MCM5: variants seen among roughly 807,000 people sequenced by gnomAD.
MCM5 encodes the protein minichromosome maintenance complex component 5.
A neutral mutation model predicts 79.9 loss-of-function variants in MCM5; 46 were observed. The observed-to-expected ratio is 0.58, with a 90% CI of 0.45 to 0.74. MCM5 has a LOEUF of 0.74. Among genes scored for constraint, MCM5 ranks in the 30% least tolerant of loss-of-function variants. MCM5 has a pLI of 0.00. For missense variants in MCM5, 883 were observed against 1,017.0 expected, an observed-to-expected ratio of 0.87 and a Z score of 1.79; for synonymous variants, 404 against 390.5, an observed-to-expected ratio of 1.03 and a Z score of -0.41.
chr22:35,415,786 C>T, intron 9 of MCM5, 43 bp from the exon 10 acceptor site: 1 of 1,598,256 alleles, frequency 6.3e-7, no homozygotes, highest in Non-Finnish European at 8.5e-7. Flanking sequence ...GGGGTCAAAG[C>T]ATGGAGTTGT....
At chr22:35,442,082 C>T in the MCM5 span, among the ~76,000 whole-genome samples, 5 of 152,090 alleles carry the variant, frequency 3.3e-5, no homozygotes, top group Non-Finnish European at 5.9e-5. Flanking sequence ...CAGGAAACTC[C>T]CGTGGCTCCC....
chr22:35,443,379 G>A, the MCM5 span, among the ~76,000 whole-genome samples: 1 of 152,130 alleles, frequency 6.6e-6, no homozygotes, highest in African/African-American at 2.4e-5. Flanking sequence ...AGTAGAGACA[G>A]CATTTTGCCA....
intron 14 of MCM5, 123 bp downstream of exon 14, chr22:35,420,135 G>A (rs1932658295): frequency 8.6e-7 from 1 of 1,167,052 alleles, no homozygotes; most frequent in African/African-American, 1.6e-5. Context: ...GTAGCTCTGG[G>A]CAGGAAGAGT....
chr22:35,405,413 A>G (rs1265652954), intron 4 of MCM5, among the ~76,000 whole-genome samples: 1 of 148,164 alleles, frequency 6.7e-6, no homozygotes, highest in Non-Finnish European at 1.5e-5. Context: ...GTCGCCCAGG[A>G]TGGAGTGCAG....
the MCM5 span, among the ~76,000 whole-genome samples, chr22:35,439,077 A>G: frequency 6.6e-6 from 1 of 151,408 alleles, no homozygotes; most frequent in Non-Finnish European, 1.5e-5. Context: ...CCATCCATCC[A>G]TCCATCCATC....
chr22:35,416,304 G>T (rs1338435914), intron 10 of MCM5, 35 bp from the exon 11 acceptor site: 1 of 1,599,600 alleles, frequency 6.3e-7, no homozygotes, highest in Admixed American at 1.7e-5. Context: ...CCTCACTTCA[G>T]TAGGTCTGAT....
At position 35,423,223 on chromosome 22, in the gene MCM5, G is replaced by A; in HGVS notation, c.1985G>A (p.Gly662Asp). 6.3e-7 allele frequency: 1 copy of A among 1,586,286 alleles called. No individual in the cohort carries two copies. Among genetic ancestry groups the A allele is most frequent in the Non-Finnish European group, 8.6e-7 (1 of 1,162,202 alleles). ...TTCTCCATGCCCACAGGGGTGGAGG[G>A]CTTCACCAGCCAGGAGGACCAGGAG... ...ALSGTLSGVEGFTSQEDQEML... is the reference protein window; with the variant it reads ...ALSGTLSGVEDFTSQEDQEML... Residue 662 changes from glycine (G) to aspartate (D), a missense_variant, in exon 16 of 17, where the codon GGC (glycine) becomes GAC (aspartate). Gly to Asp is a moderately conservative substitution (Grantham distance 94). Around this residue, in one of 3 missense-constraint regions of MCM5, gnomAD observed 426 missense variants for 482.3 expected, o/e 0.88. Transcript: ENST00000216122.
rs377201302 is a variant in MCM5, at chr22:35,416,368, C to T, written c.1377C>T (p.His459=). The T allele has an allele frequency of 4.0e-5, 65 of 1,613,378 alleles. No homozygotes were observed. The highest frequency in any genetic ancestry group is 5.0e-5 in the Non-Finnish European group (59 of 1,180,032). The change falls in exon 11 of 17, where the codon CAC becomes CAT. Residue 459 remains histidine, a synonymous_variant. Transcript: ENST00000216122. Reference sequence around the variant, plus strand: ...GAGAAGATGACCGTGTGGCAATCCACGAAGCCATGGAGCAGCAGACCATCT... The same window carrying T: ...GAGAAGATGACCGTGTGGCAATCCATGAAGCCATGGAGCAGCAGACCATCT... The part of the protein sequence containing the change: ...KMREDDRVAI[H]EAMEQQTISI...
At chr22:35,415,721 C>G in intron 9 of MCM5, 108 bp from the exon 10 acceptor site, 1 of 1,273,510 alleles carries the variant, frequency 7.9e-7, no homozygotes, top group Non-Finnish European at 1.1e-6. Flanking sequence ...CTGCAGCCAG[C>G]TTTGATGTGT....
chr22:35,419,664 G>C (rs755823648), intron 13 of MCM5, among the ~76,000 whole-genome samples: 10 of 152,182 alleles, frequency 6.6e-5, no homozygotes, highest in Non-Finnish European at 1.5e-4. Context: ...TTTTAAGAGA[G>C]GCACCCATAT....
At chr22:35,434,880 G>A in the MCM5 span, among the ~76,000 whole-genome samples, 76 of 152,254 alleles carry the variant, frequency 5.0e-4, no homozygotes, top group African/African-American at 1.7e-3. Context: ...GGCAGGGCGC[G>A]GTGGCTCACG....
At chr22:35,434,045 G>C in the MCM5 span, among the ~76,000 whole-genome samples, 1 of 152,184 alleles carries the variant, frequency 6.6e-6, no homozygotes, top group African/African-American at 2.4e-5. Flanking sequence ...ACTGAGTTTC[G>C]TGGGGAGAGA....
the MCM5 span, among the ~76,000 whole-genome samples, chr22:35,431,322 G>A: frequency 6.6e-6 from 1 of 152,170 alleles, no homozygotes; most frequent in African/African-American, 2.4e-5. Context: ...GCACGGAGCC[G>A]GGGTCCAAAC....
the MCM5 span, among the ~76,000 whole-genome samples, chr22:35,446,266 C>T: frequency 9.9e-5 from 15 of 152,200 alleles, no homozygotes; most frequent in East Asian, 1.9e-4. Context: ...CAGGGTGTTG[C>T]GGGGAGAGGT....
the MCM5 span, among the ~76,000 whole-genome samples, chr22:35,446,729 TCTC>T: frequency 6.6e-6 from 1 of 152,104 alleles, no homozygotes; most frequent in Non-Finnish European, 1.5e-5. Flanking sequence ...CAGATTGGCT[TCTC>T]CTCTAGTCCT....
At chr22:35,411,944 C>G (rs752672617) in intron 7 of MCM5, among the ~76,000 whole-genome samples, 1 of 152,184 alleles carries the variant, frequency 6.6e-6, no homozygotes. Context: ...TTCACCCTTT[C>G]AGTTGCTCAG....
chr22:35,403,951 A>AAC (rs1932139175), intron 4 of MCM5, among the ~76,000 whole-genome samples: 1 of 151,338 alleles, frequency 6.6e-6, no homozygotes, highest in South Asian at 2.1e-4. Context: ...CAAAAAAAAA[A>AAC]CAAAAAAAAC....
At chr22:35,421,633 C>T in intron 15 of MCM5, 173 bp downstream of exon 15, 1 of 815,038 alleles carries the variant, frequency 1.2e-6, no homozygotes, top group Non-Finnish European at 2.1e-6. Flanking sequence ...TTTCTCCCCA[C>T]CGCTGTTTCC....
At chr22:35,433,200 T>C in the MCM5 span, among the ~76,000 whole-genome samples, 3 of 152,134 alleles carry the variant, frequency 2.0e-5, no homozygotes, top group Non-Finnish European at 4.4e-5. Flanking sequence ...ACCTCCTAAG[T>C]GTTGAGACTA....
Sources: allele counts gnomAD v4.1 joint callset (sites outside exome capture counted in the v4.1 genomes callset), GRCh38; gene constraint gnomAD v4.1.1; regional missense constraint gnomAD v4.1.1; transcripts MANE v1.5; gene names NCBI Gene and HGNC (gene_info 2026-07-23, HGNC 2026-07-21).